Variants in SPATS2L observed in about 807,000 individuals in gnomAD.
SPATS2L encodes spermatogenesis associated serine rich 2 like.
In SPATS2L, 30 loss-of-function variants were observed where a neutral mutation model predicts 59.6. That is an observed-to-expected ratio of 0.50 (90% confidence interval 0.38 to 0.68). The LOEUF (loss-of-function observed/expected upper bound fraction) is 0.68. Among genes scored for constraint, SPATS2L ranks in the 30% least tolerant of loss-of-function variants. The probability of loss-of-function intolerance (pLI) is 0.00; values close to 1 mark genes in which losing one functional copy is unlikely to be tolerated. For synonymous variants in SPATS2L, 252 were observed against 263.5 expected, an observed-to-expected ratio of 0.96 and a Z score of 0.42; for missense variants, 615 against 700.0, an observed-to-expected ratio of 0.88 and a Z score of 1.37.
intron 8 of SPATS2L, among the ~76,000 whole-genome samples, chr2:200,451,898 A>C (rs1253810796): frequency 2.6e-5 from 4 of 151,764 alleles, no homozygotes; most frequent in Non-Finnish European, 5.9e-5. Flanking sequence ...TGCTTGAGAC[A>C]AAGGGGCATT....
chr2:200,381,440 T>TG (rs1559082602), intron 2 of SPATS2L, among the ~76,000 whole-genome samples: 2 of 152,184 alleles, frequency 1.3e-5, no homozygotes, highest in African/African-American at 4.8e-5. Context: ...TCAGGATGAA[T>TG]GATGCCCTTT....
chr2:200,331,118 G>A (rs1369057728), intron 2 of SPATS2L, among the ~76,000 whole-genome samples: 2 of 152,220 alleles, frequency 1.3e-5, no homozygotes, highest in Admixed American at 6.5e-5. Context: ...AGACTAGGAA[G>A]ATGGTAAATG....
At chr2:200,307,252 G>A (rs890983813) in intron 1 of SPATS2L, among the ~76,000 whole-genome samples, 5 of 151,680 alleles carry the variant, frequency 3.3e-5, no homozygotes, top group Non-Finnish European at 7.4e-5. Context: ...GCCCGCCCCG[G>A]ATCTGAATCG....
intron 1 of SPATS2L, among the ~76,000 whole-genome samples, chr2:200,321,165 T>C (rs2079549000): frequency 6.6e-6 from 1 of 152,182 alleles, no homozygotes; most frequent in Non-Finnish European, 1.5e-5. Flanking sequence ...TGAGTGTGTG[T>C]GCATGTGTAT....
intron 2 of SPATS2L, among the ~76,000 whole-genome samples, chr2:200,389,007 G>C (rs1392095274): frequency 6.6e-6 from 1 of 152,158 alleles, no homozygotes; most frequent in Non-Finnish European, 1.5e-5. Flanking sequence ...TGTCAATACA[G>C]TATGAATAAA....
intron 8 of SPATS2L, among the ~76,000 whole-genome samples, chr2:200,445,776 C>A (rs1418128769): frequency 6.7e-6 from 1 of 149,722 alleles, no homozygotes; most frequent in African/African-American, 2.5e-5. Context: ...TTTTTTTTTC[C>A]CTACCCATAT....
chr2:200,313,725 G>A (rs556643078), intron 1 of SPATS2L, among the ~76,000 whole-genome samples: 9 of 152,218 alleles, frequency 5.9e-5, no homozygotes, highest in African/African-American at 1.9e-4. Context: ...ACAGGTCCTC[G>A]TACACATCCC....
chr2:200,431,177 G>A (rs780300817), intron 6 of SPATS2L, among the ~76,000 whole-genome samples: 19 of 152,086 alleles, frequency 1.2e-4, no homozygotes, highest in South Asian at 4.1e-4. Flanking sequence ...ATTACTGTCC[G>A]GAAAGGTTGT....
chr2:200,313,633 C>T (rs1173566586), intron 1 of SPATS2L, among the ~76,000 whole-genome samples: 3 of 152,118 alleles, frequency 2.0e-5, no homozygotes, highest in Admixed American at 6.5e-5. Flanking sequence ...AAACAGAAAA[C>T]GATGAACGCT....
intron 2 of SPATS2L, among the ~76,000 whole-genome samples, chr2:200,331,631 T>C (rs2079946446): frequency 6.6e-6 from 1 of 152,192 alleles, no homozygotes; most frequent in Admixed American, 6.5e-5. Context: ...GGGACCTTGG[T>C]CAAGTTAGTC....
chr2:200,381,275 G>C (rs1574329419), intron 2 of SPATS2L, among the ~76,000 whole-genome samples: 1 of 147,718 alleles, frequency 6.8e-6, no homozygotes, highest in South Asian at 2.1e-4. Context: ...GCCTACTACT[G>C]TACATCATTG....
intron 2 of SPATS2L, among the ~76,000 whole-genome samples, chr2:200,361,086 CACA>C (rs2081089497): frequency 1.1e-5 from 1 of 93,640 alleles, no homozygotes; most frequent in African/African-American, 1.2e-4. Context: ...CCCACCCCCC[CACA>C]CACACACATC....
At chr2:200,316,730 G>GT (rs1227275056) in intron 1 of SPATS2L, among the ~76,000 whole-genome samples, 2 of 152,196 alleles carry the variant, frequency 1.3e-5, no homozygotes, top group African/African-American at 2.4e-5. Context: ...ATCCTGTCAT[G>GT]TTTCTCCAAG....
intron 4 of SPATS2L, among the ~76,000 whole-genome samples, chr2:200,415,129 G>A (rs2105997421): frequency 6.6e-6 from 1 of 152,170 alleles, no homozygotes; most frequent in East Asian, 1.9e-4. Flanking sequence ...ACAAATTAGA[G>A]AAAGACCAAC....
At chr2:200,348,492 C>T (rs1309733531) in intron 2 of SPATS2L, among the ~76,000 whole-genome samples, 3 of 152,158 alleles carry the variant, frequency 2.0e-5, no homozygotes, top group South Asian at 2.1e-4. Flanking sequence ...TTTAAAGCCA[C>T]GGGACACGTC....
intron 2 of SPATS2L, among the ~76,000 whole-genome samples, chr2:200,388,716 A>G (rs181071190): frequency 1.3e-5 from 2 of 151,790 alleles, no homozygotes; most frequent in Non-Finnish European, 2.9e-5. Flanking sequence ...AAAGAAAAGA[A>G]GTTGTGGGGT....
chr2:200,333,150 G>A lies in SPATS2L; in HGVS notation c.-23+3670G>A, dbSNP rs572185516. 3.9e-5 allele frequency among the ~76,000 whole-genome samples: 6 copies of A among 151,914 alleles called. 1 individual carries two copies. The highest frequency in any genetic ancestry group is 1.2e-4 in the African/African-American group (5 of 41,464). On this transcript the variant is annotated intron_variant, in intron 2 of 12. Coordinates refer to ENST00000409140, the MANE Select transcript of SPATS2L (RefSeq NM_001100423.2). ...AAAAAAAACACCTTAGCTGGGTGTGGTGGTGTGTGCCTGTAGTCCCAGCTG... is the reference window on the plus strand; with the variant it reads ...AAAAAAAACACCTTAGCTGGGTGTGATGGTGTGTGCCTGTAGTCCCAGCTG...
In SPATS2L at chr2:200,439,069, G is replaced by A. The variant is rs149929589; in HGVS notation, c.446-53G>A. The A allele has an allele frequency of 5.6e-5, 83 of 1,491,494 alleles. 1 individual carries two copies. Among genetic ancestry groups the A allele is most frequent in the African/African-American group, 4.7e-4 (34 of 72,134 alleles). The allele number at this position is 1,491,494 out of a possible 1,614,324, so 92.4% of individuals were successfully genotyped here. On this transcript the variant is annotated intron_variant, in intron 6 of 12. Coordinates refer to ENST00000409140, the MANE Select transcript of SPATS2L (RefSeq NM_001100423.2). The stretch of plus-strand genomic sequence containing the variant: ...TCTTGGCATCCTCCATCACTTTATC[G>A]TCAGTGTTTTTAGTTTATCACTTCA...
intron 3 of SPATS2L, among the ~76,000 whole-genome samples, chr2:200,404,549 G>C (rs1173544666): frequency 1.3e-5 from 2 of 152,280 alleles, no homozygotes; most frequent in South Asian, 4.1e-4. Context: ...TTTTTTAAAA[G>C]GTAATAGTTG....
Sources: allele counts gnomAD v4.1 joint callset (sites outside exome capture counted in the v4.1 genomes callset), GRCh38; gene constraint gnomAD v4.1.1; transcripts MANE v1.5; gene names NCBI Gene and HGNC (gene_info 2026-07-23, HGNC 2026-07-21).